EXTL3: variants seen among roughly 807,000 people sequenced by gnomAD.
EXTL3 encodes exostosin-like 3.
In EXTL3, 27 loss-of-function variants were observed where a neutral mutation model predicts 69.3. The observed-to-expected ratio is 0.39, with a 90% confidence interval of 0.29 to 0.54. The LOEUF (loss-of-function observed/expected upper bound fraction) is 0.54. EXTL3 is among the 20% of genes least tolerant of loss of function. The pLI is 0.69. For synonymous variants in EXTL3, 511 were observed against 499.4 expected, an observed-to-expected ratio of 1.02 and a Z score of -0.31; for missense variants, 1,003 against 1,231.8, an observed-to-expected ratio of 0.81 and a Z score of 2.78.
At chr8:28,736,136 A>G (rs1237670751) in intron 4 of EXTL3, among the ~76,000 whole-genome samples, 6 of 152,212 alleles carry the variant, frequency 3.9e-5, no homozygotes, top group African/African-American at 1.4e-4. Context: ...TTTAAAAATG[A>G]TTAAGATGGT....
At chr8:28,680,361 G>C (rs538796031) in intron 1 of EXTL3, among the ~76,000 whole-genome samples, 2 of 136,192 alleles carry the variant, frequency 1.5e-5, no homozygotes, top group South Asian at 4.7e-4. Flanking sequence ...TTGCACTCCA[G>C]CCTGGGCAAC....
intron 1 of EXTL3, among the ~76,000 whole-genome samples, chr8:28,649,511 ACCT>A (rs1455125466): frequency 2.0e-5 from 3 of 151,352 alleles, no homozygotes; most frequent in Non-Finnish European, 1.5e-5. Context: ...GGCCATTTGC[ACCT>A]CCTCCTTGTT....
chr8:28,728,298 G>A (rs528980404), intron 3 of EXTL3, among the ~76,000 whole-genome samples: 2 of 152,332 alleles, frequency 1.3e-5, no homozygotes, highest in South Asian at 4.1e-4. Context: ...TTTGGCGAGT[G>A]GAACCGACAG....
chr8:28,716,572 G>T lies in EXTL3; in HGVS notation c.513G>T (p.Pro171=). ...PEKDDAGLPP[P]KATRGCRLHN... is the part of the protein sequence containing the mutation. ...AGGACGATGCCGGCCTCCCTCCCCC[G>T]AAGGCCACTCGGGGCTGCCGGCTAC... Residue 171 remains proline, a synonymous_variant, in exon 3 of 7, where the codon CCG becomes CCT. Coordinates refer to ENST00000220562, the MANE Select transcript of EXTL3 (RefSeq NM_001440.4). The surrounding 1 kb of genome is among the most constrained non-coding windows in gnomAD (Gnocchi z 7.1). The T allele has an allele frequency of 1.2e-6, 2 of 1,614,144 alleles. No individual in the cohort carries two copies. The highest frequency in any genetic ancestry group is 1.7e-6 in the Non-Finnish European group (2 of 1,180,022).
chr8:28,751,426 C>T lies in EXTL3; in HGVS notation c.*560C>T, dbSNP rs904165982. On this transcript the variant is annotated 3_prime_UTR_variant, in exon 7 of 7. Coordinates refer to ENST00000220562, the MANE Select transcript of EXTL3 (RefSeq NM_001440.4). ...TGGCTTATCCTTAAAGATCATCTCC[C>T]ATCCTCCCCAGCGCCATCTGTGTGC... is the stretch of plus-strand genomic sequence containing the variant. 1.3e-5 allele frequency: 2 copies of T among 155,878 alleles called. No homozygotes were observed. The highest frequency in any genetic ancestry group is 6.2e-5 in the Admixed American group (1 of 16,150). 9.7% of individuals were successfully genotyped at this position (155,878 alleles called of 1,614,324 possible). A position where few individuals can be genotyped will look rare whatever the true frequency, so the allele number is the denominator to read the frequency against.
At chr8:28,720,802 T>C (rs1801278277) in intron 3 of EXTL3, among the ~76,000 whole-genome samples, 1 of 152,208 alleles carries the variant, frequency 6.6e-6, no homozygotes, top group Non-Finnish European at 1.5e-5. Context: ...CTTGCTCTTG[T>C]ATATTTTGTA....
chr8:28,702,983 C>G (rs1461684553), intron 1 of EXTL3, among the ~76,000 whole-genome samples: 1 of 152,196 alleles, frequency 6.6e-6, no homozygotes, highest in Non-Finnish European at 1.5e-5. Flanking sequence ...GCGAAGCCTT[C>G]TCAGCGACTT....
chr8:28,710,398 G>A, intron 1 of EXTL3: 1 of 451,058 alleles, frequency 2.2e-6, no homozygotes, highest in Admixed American at 2.4e-5. Context: ...CAGAGAAAGA[G>A]AAGCAGGAGA....
chr8:28,611,567 G>A (rs1259988169), intron 2 of EXTL3, among the ~76,000 whole-genome samples: 1 of 152,170 alleles, frequency 6.6e-6, no homozygotes, highest in Admixed American at 6.5e-5. Context: ...GAATCTTACT[G>A]TAGCTGAAAT....
At chr8:28,628,610 C>T (rs149367895) in intron 1 of EXTL3, among the ~76,000 whole-genome samples, 3 of 152,260 alleles carry the variant, frequency 2.0e-5, no homozygotes, top group African/African-American at 7.2e-5. Flanking sequence ...TGGTATGTCA[C>T]GTTATGATCA....
chr8:28,750,430 TGA>T lies in EXTL3; in HGVS notation c.2551-224_2551-223del, dbSNP rs1801979093. ...TACACACGTTAAGGCTTTTGGCATCTGAGAAGCGTAGGCCATCTCAACAGAAT... is the reference window on the plus strand; with the variant it reads ...TACACACGTTAAGGCTTTTGGCATCTGAAGCGTAGGCCATCTCAACAGAAT... On this transcript the variant is annotated intron_variant, in intron 6 of 6. Coordinates refer to ENST00000220562, the MANE Select transcript of EXTL3 (RefSeq NM_001440.4). This position sits in a 1 kb window ranked among gnomAD's most constrained non-coding sequence, Gnocchi z 5.2. Among the ~76,000 whole-genome samples, 1 of 152,230 alleles carries T rather than the reference TGA, an allele frequency of 6.6e-6. No homozygotes were observed. Among genetic ancestry groups the T allele is most frequent in the South Asian group, 2.1e-4 (1 of 4,838 alleles).
intron 5 of EXTL3, chr8:28,742,620 T>TAAAA: frequency 4.2e-6 from 1 of 238,692 alleles, no homozygotes; most frequent in South Asian, 5.7e-5. Flanking sequence ...CGATGGCGAG[T>TAAAA]ACTGACCAGA....
chr8:28,638,938 ATT>A (rs61228702), intron 1 of EXTL3, among the ~76,000 whole-genome samples: 19 of 136,146 alleles, frequency 1.4e-4, no homozygotes, highest in Non-Finnish European at 1.6e-4. Context: ...GCTAGGAATA[ATT>A]TTTTTTTTTT....
At chr8:28,630,941 G>A (rs1440358456) in intron 1 of EXTL3, among the ~76,000 whole-genome samples, 2 of 152,242 alleles carry the variant, frequency 1.3e-5, no homozygotes, top group East Asian at 1.9e-4. Flanking sequence ...GTAGAGACTA[G>A]CTGTTTTTAA....
chr8:28,717,278 A>G lies in EXTL3; in HGVS notation c.1219A>G (p.Ser407Gly), dbSNP rs769868391. ...EFTCKNQPKP[S>G]LPTEWALCGE... ...CACCTGCAAAAACCAGCCCAAACCC[A>G]GCCTGCCGACTGAGTGGGCACTGTG... The change falls in exon 3 of 7, where the codon AGC becomes GGC. Residue 407 changes from serine to glycine, a missense_variant. Physicochemically the swap from Ser to Gly is moderately conservative, Grantham distance 56 (BLOSUM62 0). Transcript: ENST00000220562. The surrounding 1 kb of genome is among the most constrained non-coding windows in gnomAD (Gnocchi z 8.3). 10 of 1,614,084 alleles carry G rather than the reference A, an allele frequency of 6.2e-6. No individual in the cohort carries two copies. The South Asian group carries it at 1.1e-4, about 18-fold the overall frequency.
chr8:28,676,285 G>T (rs1470900313), intron 1 of EXTL3, among the ~76,000 whole-genome samples: 1 of 152,122 alleles, frequency 6.6e-6, no homozygotes, highest in Non-Finnish European at 1.5e-5. Flanking sequence ...TATGAGGGGT[G>T]CCCTGGCATC....
At chr8:28,682,046 C>T (rs1347349403) in intron 1 of EXTL3, among the ~76,000 whole-genome samples, 6 of 152,126 alleles carry the variant, frequency 3.9e-5, no homozygotes, top group African/African-American at 9.7e-5. Flanking sequence ...GCAACAAGAG[C>T]GAAACTCCGT....
intron 6 of EXTL3, among the ~76,000 whole-genome samples, chr8:28,744,664 C>T (rs1428370819): frequency 6.6e-6 from 1 of 152,104 alleles, no homozygotes; most frequent in East Asian, 1.9e-4. Context: ...CGTGGTGGCA[C>T]GCACCTGTAG....
At position 28,743,175 on chromosome 8, in the gene EXTL3, C is replaced by T. The variant is rs745569399; in HGVS notation, c.2511C>T (p.Asn837=). ...EYINCEDIAM[N]FLVSHITRKP... ...TCAACTGTGAGGACATTGCCATGAA[C>T]TTCCTTGTCTCCCACATCACTCGGA... is the stretch of plus-strand genomic sequence containing the variant. The change falls in exon 6 of 7, where the codon AAC becomes AAT. Residue 837 remains asparagine, a synonymous_variant. Coordinates refer to ENST00000220562, the MANE Select transcript of EXTL3 (RefSeq NM_001440.4). The T allele has an allele frequency of 2.1e-5, 34 of 1,614,114 alleles. No homozygotes were observed. Among genetic ancestry groups the T allele is most frequent in the South Asian group, 9.9e-5 (9 of 91,094 alleles).
Sources: allele counts gnomAD v4.1 joint callset (sites outside exome capture counted in the v4.1 genomes callset), GRCh38; gene constraint gnomAD v4.1.1; non-coding constraint Gnocchi (gnomAD v3.1); transcripts MANE v1.5; gene names NCBI Gene and HGNC (gene_info 2026-07-23, HGNC 2026-07-21).